EXD3: variants seen among roughly 807,000 people sequenced by gnomAD.
The protein encoded by EXD3 is exonuclease mut-7 homolog.
A neutral mutation model predicts 98.0 loss-of-function variants in EXD3; 92 were observed. That is an observed-to-expected ratio of 0.94 (90% CI 0.79 to 1.12). EXD3 has a LOEUF of 1.12. Among genes scored for constraint, EXD3 ranks in the 50% most tolerant of loss-of-function variants. The pLI, the probability that EXD3 is intolerant of heterozygous loss-of-function variation, is 0.00. For synonymous variants in EXD3, 569 were observed against 526.0 expected (o/e 1.08, Z -1.12); for missense variants, 1,222 against 1,191.6 (o/e 1.03, Z -0.38).
intron 1 of EXD3, among the ~76,000 whole-genome samples, chr9:137,406,225 A>G (rs1360606215): frequency 6.6e-6 from 1 of 151,976 alleles, no homozygotes; most frequent in African/African-American, 2.4e-5. Context: ...CCAAAAAAGA[A>G]AAAGAAAAGA....
At chr9:137,332,840 T>G (rs1239475705) in intron 17 of EXD3, among the ~76,000 whole-genome samples, 1 of 152,130 alleles carries the variant, frequency 6.6e-6, no homozygotes, top group Non-Finnish European at 1.5e-5. Flanking sequence ...TGAGACTCTG[T>G]CTGTCAAAAA....
intron 3 of EXD3, among the ~76,000 whole-genome samples, chr9:137,379,394 G>A (rs1226443947): frequency 8.2e-5 from 4 of 48,504 alleles, no homozygotes; most frequent in Non-Finnish European, 1.1e-4. Context: ...GAATGGGGGC[G>A]TCTGTGTGAG....
At chr9:137,309,235 A>C (rs1389758401) in intron 20 of EXD3, among the ~76,000 whole-genome samples, 1 of 152,138 alleles carries the variant, frequency 6.6e-6, no homozygotes, top group Non-Finnish European at 1.5e-5. Flanking sequence ...GGGGGTGGAC[A>C]TCTGGGGTCA....
At chr9:137,398,225 T>G (rs1490061351) in intron 1 of EXD3, among the ~76,000 whole-genome samples, 2 of 152,154 alleles carry the variant, frequency 1.3e-5, no homozygotes, top group African/African-American at 4.8e-5. Flanking sequence ...CCGGGCGCCC[T>G]CTGTTCCCCT....
chr9:137,382,048 TGA>T (rs1836316596), intron 3 of EXD3, among the ~76,000 whole-genome samples: 2 of 112,010 alleles, frequency 1.8e-5, no homozygotes, highest in African/African-American at 7.3e-5. Context: ...GGGGAGGAGG[TGA>T]GGGCGCGCGG....
chr9:137,338,937 G>C (rs1833512786), intron 17 of EXD3, among the ~76,000 whole-genome samples: 1 of 150,368 alleles, frequency 6.7e-6, no homozygotes, highest in African/African-American at 2.4e-5. Context: ...ATCTCTGCGA[G>C]AGCATGAGAA....
intron 19 of EXD3, among the ~76,000 whole-genome samples, chr9:137,314,860 T>C (rs1357655589): frequency 6.6e-6 from 1 of 152,088 alleles, no homozygotes; most frequent in African/African-American, 2.4e-5. Flanking sequence ...CACGTGAGTC[T>C]CCGGAGGCCG....
At chr9:137,422,211 G>T (rs1039719788) in intron 1 of EXD3, among the ~76,000 whole-genome samples, 1 of 151,888 alleles carries the variant, frequency 6.6e-6, no homozygotes, top group Non-Finnish European at 1.5e-5. Context: ...AGCAAGAGGG[G>T]ACACTCTGAC....
intron 17 of EXD3, among the ~76,000 whole-genome samples, chr9:137,341,100 G>T (rs1393695601): frequency 6.6e-6 from 1 of 152,192 alleles, no homozygotes; most frequent in Non-Finnish European, 1.5e-5. Flanking sequence ...AGGGTCGCTC[G>T]AGGCCAGGAG....
Position 137,352,759 on chromosome 9 carries a change from G to A in EXD3, c.898C>T (p.Gln300Ter), listed in dbSNP as rs1834375844. The A allele has an allele frequency of 3.2e-6, 5 of 1,579,570 alleles. No individual in the cohort carries two copies. Among genetic ancestry groups the A allele is most frequent in the Non-Finnish European group, 4.3e-6 (5 of 1,164,646 alleles). The stretch of plus-strand genomic sequence containing the variant: ...ACCAGCAGCTGAGACAGCTGCTCCT[G>A]AAGCCACGGGCTCTGCCCCACCAGG... ...QGLVGQSPWL[Q>*]EQLSQLLVSH... Residue 300 changes from glutamine to a stop codon, truncating the protein, a stop_gained, in exon 11 of 22, where the codon CAG becomes TAG. Coordinates refer to ENST00000340951, the MANE Select transcript of EXD3 (RefSeq NM_017820.5). LOFTEE classifies it high-confidence loss of function.
At chr9:137,336,027 T>G (rs112297026) in intron 17 of EXD3, among the ~76,000 whole-genome samples, 1,806 of 152,166 alleles carry the variant, frequency 0.012, 40 homozygotes, top group African/African-American at 0.041. Flanking sequence ...CTAAATAAAG[T>G]AACTCAGGAA....
intron 7 of EXD3, among the ~76,000 whole-genome samples, chr9:137,363,139 TA>T (rs1835067411): frequency 6.6e-6 from 1 of 152,056 alleles, no homozygotes; most frequent in South Asian, 2.1e-4. Context: ...TTTAATATGT[TA>T]GTTGACTTGA....
At chr9:137,413,910 T>C (rs553380436) in intron 1 of EXD3, among the ~76,000 whole-genome samples, 62 of 150,692 alleles carry the variant, frequency 4.1e-4, no homozygotes, top group Admixed American at 1.3e-3. Flanking sequence ...GTTCTGTTGT[T>C]TTTTTTTTCT....
At chr9:137,419,117 G>A (rs1474935251) in intron 1 of EXD3, among the ~76,000 whole-genome samples, 1 of 152,104 alleles carries the variant, frequency 6.6e-6, no homozygotes, top group Non-Finnish European at 1.5e-5. Flanking sequence ...AAATCATACA[G>A]GAAGCATTGT....
rs1834004906 is a variant in EXD3, at chr9:137,347,661, C to T, written c.1998+410G>A. On this transcript the variant is annotated intron_variant, in intron 17 of 21. Coordinates refer to ENST00000340951, the MANE Select transcript of EXD3 (RefSeq NM_017820.5). This position sits in a 1 kb window ranked among gnomAD's most constrained non-coding sequence, Gnocchi z 4.2. ...GTTTCACCATATTGGTCAGGCTGGT[C>T]TCCAACTCCTGGCCTCAAGTGATCC... Among the ~76,000 whole-genome samples, 1 of 152,010 alleles carries T rather than the reference C, an allele frequency of 6.6e-6. No homozygotes were observed. The highest frequency in any genetic ancestry group is 3.2e-3 in the Middle Eastern group (1 of 316).
chr9:137,343,192 G>A (rs571547422), intron 17 of EXD3: 1 of 152,350 alleles, frequency 6.6e-6, no homozygotes, highest in South Asian at 2.1e-4. Flanking sequence ...ACATGGATAG[G>A]ACTGGCCAAG....
Position 137,395,235 on chromosome 9 carries a change from C to A in EXD3, c.55+68G>T. ...GAGTACACAGTGGGCGCCACCACCC[C>A]CCATGCACACCCACGCACCTCCCCC... On this transcript the variant is annotated intron_variant, in intron 2 of 21. Coordinates refer to ENST00000340951, the MANE Select transcript of EXD3 (RefSeq NM_017820.5). The surrounding 1 kb of genome is among the most constrained non-coding windows in gnomAD (Gnocchi z 6.5). 2 of 1,393,978 alleles carry A rather than the reference C, an allele frequency of 1.4e-6. No homozygotes were observed. Among genetic ancestry groups the A allele is most frequent in the South Asian group, 2.3e-5 (2 of 86,892 alleles). The allele number at this position is 1,393,978 out of a possible 1,614,324, so 86.4% of individuals were successfully genotyped here.
At position 137,354,707 on chromosome 9, in the gene EXD3, A is replaced by G. The variant is rs202071318; in HGVS notation, c.824T>C (p.Phe275Ser). ...CCCCTCCTGCTCACGAACCTCCACA[A>G]ACCGCTTGTGGCACAGGTGCCGCAG... ...AALRHLCHKR[F>S]VEKSLSQENW... is the part of the protein sequence containing the mutation. Residue 275 changes from phenylalanine (F) to serine (S), a missense_variant, in exon 9 of 22, where the codon TTT becomes TCT. Transcript: ENST00000340951. 445 of 1,610,832 alleles carry G rather than the reference A, an allele frequency of 2.8e-4. No homozygotes were observed. The highest frequency in any genetic ancestry group is 1.2e-3 in the Admixed American group (70 of 60,008).
chr9:137,308,987 G>A (rs775156924), intron 20 of EXD3, among the ~76,000 whole-genome samples: 15 of 152,046 alleles, frequency 9.9e-5, no homozygotes, highest in Non-Finnish European at 1.6e-4. Context: ...CTTAGCCCCC[G>A]TGCCAGCCCC....
Sources: allele counts gnomAD v4.1 joint callset (sites outside exome capture counted in the v4.1 genomes callset), GRCh38; gene constraint gnomAD v4.1.1; non-coding constraint Gnocchi (gnomAD v3.1); transcripts MANE v1.5; gene names NCBI Gene and HGNC (gene_info 2026-07-23, HGNC 2026-07-21).